HPSE2: variants seen among roughly 807,000 people sequenced by gnomAD.
HPSE2 encodes the protein heparanase 2 (inactive), also known as inactive heparanase-2.
A neutral mutation model predicts 60.5 loss-of-function variants in HPSE2; 38 were observed. The ratio of observed to expected loss-of-function variants is 0.63; its 90% CI spans 0.48 to 0.82. The LOEUF is 0.82. HPSE2 is among the 40% of genes least tolerant of loss of function. The pLI is 0.00. For synonymous variants in HPSE2, 295 were observed against 293.2 expected (o/e 1.01, Z -0.06); for missense variants, 713 against 740.4 (o/e 0.96, Z 0.43).
At chr10:99,211,121 G>C (rs1488322383) in intron 2 of HPSE2, among the ~76,000 whole-genome samples, 2 of 150,614 alleles carry the variant, frequency 1.3e-5, no homozygotes, top group South Asian at 4.2e-4. Flanking sequence ...CACTAACAAT[G>C]AACTATCCAA....
At chr10:99,036,809 T>A (rs1253926778) in intron 3 of HPSE2, among the ~76,000 whole-genome samples, 2 of 152,156 alleles carry the variant, frequency 1.3e-5, no homozygotes, top group Non-Finnish European at 2.9e-5. Context: ...TGTCCAGAAA[T>A]CCCTCCATAC....
At chr10:98,522,137 A>T (rs1408499048) in intron 9 of HPSE2, among the ~76,000 whole-genome samples, 1 of 106,572 alleles carries the variant, frequency 9.4e-6, no homozygotes, top group Admixed American at 9.1e-5. Flanking sequence ...GGATAATTAT[A>T]AAAAAAAAAA....
chr10:98,718,124 T>C (rs958117995), intron 5 of HPSE2, among the ~76,000 whole-genome samples: 1 of 152,110 alleles, frequency 6.6e-6, no homozygotes, highest in Non-Finnish European at 1.5e-5. Context: ...TGTCATTACA[T>C]AGATGATGCA....
At chr10:98,813,613 T>A (rs1276989455) in intron 3 of HPSE2, among the ~76,000 whole-genome samples, 1 of 152,198 alleles carries the variant, frequency 6.6e-6, no homozygotes, top group Non-Finnish European at 1.5e-5. Context: ...GATTCTGGAA[T>A]CAATCAGATT....
At chr10:98,461,897 G>A (rs1940306591) in intron 11 of HPSE2, 1 of 1,035,492 alleles carries the variant, frequency 9.7e-7, no homozygotes, top group Non-Finnish European at 1.5e-6. Context: ...CCTGGAACAG[G>A]CCCTATTCTG....
chr10:98,641,897 TCAGGAAGTC>T lies in HPSE2; in HGVS notation c.1039_1047del (p.Asp347_Leu349del), dbSNP rs1478088906. The T allele has an allele frequency of 6.2e-7, 1 of 1,614,018 alleles. No individual in the cohort carries two copies. The highest frequency in any genetic ancestry group is 8.5e-7 in the Non-Finnish European group (1 of 1,179,962). ...GAGAGTGTGTCTAACAGGCGAGTTT[TCAGGAAGTC>T]CATCACCTTGACCACCCGGCCATCA... On this transcript the variant is annotated inframe_deletion, in exon 7 of 12. Coordinates refer to ENST00000370552, the MANE Select transcript of HPSE2 (RefSeq NM_021828.5).
At chr10:98,541,961 G>C in intron 9 of HPSE2, among the ~76,000 whole-genome samples, 1 of 149,416 alleles carries the variant, frequency 6.7e-6, no homozygotes, top group Non-Finnish European at 1.5e-5. Flanking sequence ...GCTTTGAAGA[G>C]AGCAGTGGTT....
chr10:98,629,642 C>T (rs1946308813), intron 7 of HPSE2, among the ~76,000 whole-genome samples: 1 of 152,184 alleles, frequency 6.6e-6, no homozygotes, highest in Admixed American at 6.5e-5. Flanking sequence ...ATCTTTTCCT[C>T]TTCTAGTCCA....
intron 4 of HPSE2, among the ~76,000 whole-genome samples, chr10:98,736,824 A>G (rs1043754904): frequency 1.3e-5 from 2 of 152,194 alleles, no homozygotes; most frequent in African/African-American, 4.8e-5. Flanking sequence ...CCAAGCTATA[A>G]AGTAGTGGCC....
chr10:98,941,426 T>G (rs1444472919), intron 3 of HPSE2, among the ~76,000 whole-genome samples: 2 of 136,788 alleles, frequency 1.5e-5, no homozygotes, highest in African/African-American at 3.1e-5. Context: ...ACAAGCGTTC[T>G]TATACACCAA....
intron 3 of HPSE2, among the ~76,000 whole-genome samples, chr10:98,904,369 T>C (rs1368945106): frequency 6.6e-6 from 1 of 152,126 alleles, no homozygotes; most frequent in Non-Finnish European, 1.5e-5. Context: ...GCCAACCAGA[T>C]AGTAAGCTTG....
Position 99,186,833 on chromosome 10 carries a change from G to A in HPSE2, c.449-42434C>T, listed in dbSNP as rs542909379. Among the ~76,000 whole-genome samples the A allele has an allele frequency of 3.3e-5, 5 of 152,190 alleles. No individual in the cohort carries two copies. In the South Asian group the frequency reaches 8.3e-4, roughly 25 times the overall value. On this transcript the variant is annotated intron_variant, in intron 2 of 11. Transcript: ENST00000370552. ...ATTCTGCTGTCCAGGCTGGAGTGCAGTAACACAGTCACGGCTCACTGCAGC... is the reference window on the plus strand; with the variant it reads ...ATTCTGCTGTCCAGGCTGGAGTGCAATAACACAGTCACGGCTCACTGCAGC...
intron 6 of HPSE2, among the ~76,000 whole-genome samples, chr10:98,684,244 T>G (rs1947855331): frequency 6.6e-6 from 1 of 152,020 alleles, no homozygotes; most frequent in South Asian, 2.1e-4. Context: ...AACACGGCAA[T>G]CAACCCGTCC....
intron 2 of HPSE2, among the ~76,000 whole-genome samples, chr10:99,231,441 A>G (rs1174746703): frequency 6.6e-6 from 1 of 152,176 alleles, no homozygotes; most frequent in Admixed American, 6.5e-5. Flanking sequence ...AGAAACGCCA[A>G]TACCCTCCAT....
chr10:98,555,204 T>G (rs1328366805), intron 9 of HPSE2, among the ~76,000 whole-genome samples: 1 of 152,186 alleles, frequency 6.6e-6, no homozygotes, highest in Non-Finnish European at 1.5e-5. Flanking sequence ...TTTAACAAAA[T>G]GCATTAAATG....
intron 5 of HPSE2, among the ~76,000 whole-genome samples, chr10:98,705,864 T>C (rs4303173): frequency 0.71 from 108,573 of 152,098 alleles, 40,788 homozygotes; most frequent in South Asian, 0.95. Context: ...CCATGACACA[T>C]GTAGACCTAT....
intron 3 of HPSE2, among the ~76,000 whole-genome samples, chr10:98,960,189 TG>T (rs1224008532): frequency 6.6e-6 from 1 of 152,136 alleles, no homozygotes; most frequent in East Asian, 1.9e-4. Context: ...TTGCTTTTTC[TG>T]AATTTCTGAT....
chr10:98,707,099 GA>G (rs5787301), intron 5 of HPSE2, among the ~76,000 whole-genome samples: 1 of 148,006 alleles, frequency 6.8e-6, no homozygotes. Flanking sequence ...ATGTAGGAAT[GA>G]AAAAAAAAAG....
At chr10:98,933,827 G>A (rs1438691319) in intron 3 of HPSE2, among the ~76,000 whole-genome samples, 1 of 140,920 alleles carries the variant, frequency 7.1e-6, no homozygotes, top group Non-Finnish European at 1.5e-5. Context: ...CGCCTCCTGG[G>A]TTCACGCCAT....
Sources: gnomAD v4.1 joint callset for allele counts (sites outside exome capture counted in the v4.1 genomes callset) on GRCh38, gnomAD v4.1.1 for gene constraint, MANE v1.5 for transcripts, NCBI Gene and HGNC (gene_info 2026-07-23, HGNC 2026-07-21) for gene names.